DPY19L4: variants seen among roughly 807,000 people sequenced by gnomAD.
DPY19L4 encodes the protein dpy-19 like 4, also known as probable C-mannosyltransferase DPY19L4.
DPY19L4 carries 97 observed loss-of-function variants against 102.8 expected under a neutral mutation model. The ratio of observed to expected loss-of-function variants is 0.94; its 90% CI spans 0.80 to 1.12. The LOEUF (loss-of-function observed/expected upper bound fraction) is 1.12. Among genes scored for constraint, DPY19L4 ranks in the 50% most tolerant of loss-of-function variants. The probability of loss-of-function intolerance (pLI) is 0.00; values close to 1 mark genes in which losing one functional copy is unlikely to be tolerated. For missense variants in DPY19L4, 815 were observed against 850.4 expected, an observed-to-expected ratio of 0.96 and a Z score of 0.52; for synonymous variants, 252 against 283.1, an observed-to-expected ratio of 0.89 and a Z score of 1.10.
At chr8:94,743,364 G>A (rs1292611804) in intron 6 of DPY19L4, among the ~76,000 whole-genome samples, 1 of 152,030 alleles carries the variant, frequency 6.6e-6, no homozygotes, top group East Asian at 1.9e-4. Context: ...GGGGTCAGGT[G>A]TAGTGGCTCA....
At chr8:94,777,574 C>T (rs371657988) in intron 13 of DPY19L4, 92 bp from the exon 14 acceptor site, 6 of 1,448,112 alleles carry the variant, frequency 4.1e-6, no homozygotes, top group Admixed American at 2.3e-5. Context: ...TTGGTATTTT[C>T]GTGAGTAGTA....
chr8:94,750,028 T>C (rs1586353831), intron 6 of DPY19L4, among the ~76,000 whole-genome samples: 1 of 152,312 alleles, frequency 6.6e-6, no homozygotes, highest in East Asian at 1.9e-4. Flanking sequence ...CAATCTCAGT[T>C]CACTGCAACC....
At chr8:94,787,191 T>C (rs1813693661) in intron 17 of DPY19L4, among the ~76,000 whole-genome samples, 1 of 152,224 alleles carries the variant, frequency 6.6e-6, no homozygotes, top group Admixed American at 6.5e-5. Context: ...AGTGGTTTTT[T>C]TTTAATGCCC....
In DPY19L4 at chr8:94,781,051, T is replaced by G. The variant is rs538612256; in HGVS notation, c.1633-33T>G. 30 of 1,389,980 alleles carry G rather than the reference T, an allele frequency of 2.2e-5. 1 individual carries two copies. The East Asian group carries it at 7.3e-4, about 34-fold the overall frequency. The allele number at this position is 1,389,980 out of a possible 1,614,324, so 86.1% of individuals were successfully genotyped here. On this transcript the variant is annotated intron_variant, in intron 15 of 18. Coordinates refer to ENST00000414645, the MANE Select transcript of DPY19L4 (RefSeq NM_181787.3). ...TTTCTAATTACTGACATACATCTTT[T>G]GGGGATTTTTTTTTTTTTTTTTTGC...
chr8:94,756,898 G>A (rs777116097), intron 7 of DPY19L4, among the ~76,000 whole-genome samples: 8 of 152,106 alleles, frequency 5.3e-5, no homozygotes, highest in Admixed American at 2.0e-4. Flanking sequence ...GGTGGCACAC[G>A]CCTGTAATCC....
At chr8:94,750,454 G>A (rs1391972257) in intron 6 of DPY19L4, among the ~76,000 whole-genome samples, 3 of 152,130 alleles carry the variant, frequency 2.0e-5, no homozygotes, top group Non-Finnish European at 4.4e-5. Flanking sequence ...GCTAAGATTT[G>A]CTATAATACT....
rs1304682122 is a variant in DPY19L4 at position 94,793,787 on chromosome 8, T to A, written c.*3877T>A. On this transcript the variant is annotated 3_prime_UTR_variant, in exon 19 of 19. Transcript: ENST00000414645. Reference sequence around the variant, plus strand: ...GACAATTATTTTCTGTACATTAATGTCTAAACATTATACTTACTTTTTCAT... The same window carrying A: ...GACAATTATTTTCTGTACATTAATGACTAAACATTATACTTACTTTTTCAT... 1 of 152,212 alleles carries A rather than the reference T, an allele frequency of 6.6e-6. No homozygotes were observed. The highest frequency in any genetic ancestry group is 1.5e-5 in the Non-Finnish European group (1 of 68,034). 9.4% of individuals were successfully genotyped at this position (152,212 alleles called of 1,614,324 possible). A position where few individuals can be genotyped will look rare whatever the true frequency, so the allele number is the denominator to read the frequency against.
At chr8:94,767,178 G>A (rs1812711928) in intron 11 of DPY19L4, among the ~76,000 whole-genome samples, 2 of 151,978 alleles carry the variant, frequency 1.3e-5, no homozygotes, top group South Asian at 4.1e-4. Context: ...CCATCACTGA[G>A]CATTCCTGAA....
intron 6 of DPY19L4, among the ~76,000 whole-genome samples, chr8:94,742,289 C>T (rs1243138830): frequency 2.0e-5 from 3 of 152,030 alleles, no homozygotes; most frequent in African/African-American, 4.8e-5. Context: ...ACCCAGGAGG[C>T]AGAGCTTGCA....
intron 14 of DPY19L4, 128 bp from the exon 15 acceptor site, chr8:94,780,231 G>T: frequency 1.6e-6 from 1 of 609,596 alleles, no homozygotes; most frequent in South Asian, 6.7e-5. Context: ...GTTCTATGTT[G>T]ACTTCATTTT....
intron 7 of DPY19L4, among the ~76,000 whole-genome samples, chr8:94,759,854 G>A (rs532365654): frequency 6.6e-6 from 1 of 152,258 alleles, no homozygotes; most frequent in South Asian, 2.1e-4. Context: ...CATTCTTGAG[G>A]CTAAGTTTCG....
chr8:94,758,082 G>A (rs1812241560), intron 7 of DPY19L4, among the ~76,000 whole-genome samples: 1 of 152,104 alleles, frequency 6.6e-6, no homozygotes. Flanking sequence ...CTGCACTCCA[G>A]CCTGAGCAAC....
rs1586422050 is a variant in DPY19L4, at chr8:94,781,140, T to C, written c.1689T>C (p.Asp563=). Reference sequence around the variant, plus strand: ...AACTACAGGAATTCTATGACCCAGATACAGTGGAACTTATGACCTGGATAA... The same window carrying C: ...AACTACAGGAATTCTATGACCCAGACACAGTGGAACTTATGACCTGGATAA... ...LMELQEFYDP[D]TVELMTWIKR... is the part of the protein sequence containing the mutation. The change falls in exon 16 of 19, where the codon GAT becomes GAC. Residue 563 remains aspartate (D), a synonymous_variant. Coordinates refer to ENST00000414645, the MANE Select transcript of DPY19L4 (RefSeq NM_181787.3). The C allele has an allele frequency of 6.3e-7, 1 of 1,597,112 alleles. No homozygotes were observed. Among genetic ancestry groups the C allele is most frequent in the Non-Finnish European group, 8.5e-7 (1 of 1,175,604 alleles).
chr8:94,749,025 A>G (rs1033840640), intron 6 of DPY19L4, among the ~76,000 whole-genome samples: 1 of 152,208 alleles, frequency 6.6e-6, no homozygotes, highest in Non-Finnish European at 1.5e-5. Flanking sequence ...CACGTCTCAC[A>G]TGGTAGCAGA....
intron 8 of DPY19L4, among the ~76,000 whole-genome samples, chr8:94,762,061 C>T (rs1308730610): frequency 6.6e-6 from 1 of 152,104 alleles, no homozygotes; most frequent in South Asian, 2.1e-4. Context: ...TCATAGAGAT[C>T]GCAACTGCAG....
At chr8:94,736,180 A>G (rs1176613699) in intron 3 of DPY19L4, among the ~76,000 whole-genome samples, 1 of 152,192 alleles carries the variant, frequency 6.6e-6, no homozygotes, top group African/African-American at 2.4e-5. Context: ...TTATAAGGAC[A>G]TTAATCCCAT....
chr8:94,791,315 T>C lies in DPY19L4; in HGVS notation c.*1405T>C, dbSNP rs1167118705. The C allele has an allele frequency of 6.6e-6, 1 of 152,214 alleles. No individual in the cohort carries two copies. Among genetic ancestry groups the C allele is most frequent in the Non-Finnish European group, 1.5e-5 (1 of 68,000 alleles). 9.4% of individuals were successfully genotyped at this position (152,214 alleles called of 1,614,324 possible). A position where few individuals can be genotyped will look rare whatever the true frequency, so the allele number is the denominator to read the frequency against. On this transcript the variant is annotated 3_prime_UTR_variant, in exon 19 of 19. Coordinates refer to ENST00000414645, the MANE Select transcript of DPY19L4 (RefSeq NM_181787.3). ...TTTCCGTTGTCTTTATTTTCTGTTA[T>C]ACATGTGTTGTTAAAGTACATGCAT...
chr8:94,756,272 G>A, intron 7 of DPY19L4, 113 bp downstream of exon 7: 1 of 1,386,008 alleles, frequency 7.2e-7, no homozygotes. Flanking sequence ...ATTTAATGAA[G>A]CCTGGTTACT....
At chr8:94,778,171 G>C (rs916811003) in intron 14 of DPY19L4, among the ~76,000 whole-genome samples, 2 of 151,956 alleles carry the variant, frequency 1.3e-5, no homozygotes, top group African/African-American at 4.8e-5. Flanking sequence ...GGAGGCAGAG[G>C]TTGCAGTGAG....
Sources: allele counts gnomAD v4.1 joint callset (sites outside exome capture counted in the v4.1 genomes callset), GRCh38; gene constraint gnomAD v4.1.1; transcripts MANE v1.5; gene names NCBI Gene and HGNC (gene_info 2026-07-23, HGNC 2026-07-21).